Variants in SRSF2 observed in about 807,000 individuals in gnomAD.
SRSF2 encodes serine and arginine rich splicing factor 2, also known as serine/arginine-rich splicing factor 2.
In SRSF2, 4 loss-of-function variants were observed where a neutral mutation model predicts 15.7. The observed-to-expected ratio is 0.26, with a 90% CI of 0.13 to 0.58. The LOEUF is 0.58. SRSF2 is among the 20% of genes least tolerant of loss of function. The pLI, the probability that SRSF2 is intolerant of heterozygous loss-of-function variation, is 0.90. For missense variants in SRSF2, 147 were observed against 332.4 expected, an observed-to-expected ratio of 0.44 and a Z score of 4.34; for synonymous variants, 192 against 138.9, an observed-to-expected ratio of 1.38 and a Z score of -2.69.
rs1266076835 is a variant in SRSF2, at chr17:76,736,906, C to T, written c.255G>A (p.Leu85=). Residue 85 remains leucine, a synonymous_variant, in exon 1 of 3, where the codon CTG becomes CTA. Coordinates refer to ENST00000359995, the MANE Select transcript of SRSF2 (RefSeq NM_001195427.2). Reference sequence around the variant, plus strand: ...GGCCGTAGCGCGCCATTTGCACCCGCAGCTCGCGGCCGTCCAGCACGGCCC... The same window carrying T: ...GGCCGTAGCGCGCCATTTGCACCCGTAGCTCGCGGCCGTCCAGCACGGCCC... The part of the protein sequence containing the change: ...MDGAVLDGRE[L]RVQMARYGRP... 1.9e-6 allele frequency: 3 copies of T among 1,612,512 alleles called. No homozygotes were observed. The highest frequency in any genetic ancestry group is 2.5e-6 in the Non-Finnish European group (3 of 1,179,722).
chr17:76,737,272 A>G lies in SRSF2; in HGVS notation c.-112T>C. 7.1e-6 allele frequency: 10 copies of G among 1,400,944 alleles called. No individual in the cohort carries two copies. Among genetic ancestry groups the G allele is most frequent in the Non-Finnish European group, 9.5e-6 (10 of 1,058,162 alleles). 86.8% of individuals were successfully genotyped at this position (1,400,944 alleles called of 1,614,324 possible). On this transcript the variant is annotated 5_prime_UTR_variant, in exon 1 of 3. Coordinates refer to ENST00000359995, the MANE Select transcript of SRSF2 (RefSeq NM_001195427.2). ...GCCTTCCGCGTGGGGACACTGGGAA[A>G]GGCCTTGCCGCAGAACAGCACGGAC...
rs770622960 is a variant in SRSF2, at chr17:76,736,825, G to A, written c.336C>T (p.Gly112=). The A allele has an allele frequency of 5.6e-6, 9 of 1,594,494 alleles. No homozygotes were observed. In the African/African-American group the frequency reaches 6.7e-5, roughly 12 times the overall value. Residue 112 remains glycine, a synonymous_variant, in exon 1 of 3, where the codon GGC becomes GGT. Transcript: ENST00000359995. ...TGCGGCTCCGGCGTCCGTAGCCACC[G>A]CCCCCGTACCTGCGGGGTGGCGGTC... ...RRGPPPRRYG[G]GGYGRRSRSP...
chr17:76,736,412 G>C lies in SRSF2; in HGVS notation c.415C>G (p.Arg139Gly), dbSNP rs1208174168. The C allele has an allele frequency of 6.2e-7, 1 of 1,613,730 alleles. No individual in the cohort carries two copies. The highest frequency in any genetic ancestry group is 2.2e-5 in the East Asian group (1 of 44,892). The change falls in exon 2 of 3, where the codon CGC (arginine) becomes GGC (glycine). Residue 139 changes from arginine (R) to glycine (G), a missense_variant. Physicochemically the swap from Arg to Gly is moderately radical, Grantham distance 125. Transcript: ENST00000359995. ...RSRSRSRSRS[R>G]SRSRYSRSKS... The stretch of plus-strand genomic sequence containing the variant: ...GAGCGGCTGTAGCGAGATCGGCTGC[G>C]AGACCTGGAACGACTCCGACTCCGG...
intron 1 of SRSF2, 30 bp from the exon 2 acceptor site, chr17:76,736,494 G>A (rs976353866): frequency 5.0e-6 from 8 of 1,590,894 alleles, no homozygotes; most frequent in Non-Finnish European, 6.0e-6. Context: ...GCACAGCGGG[G>A]TTAATTCCAG....
intron 2 of SRSF2, chr17:76,735,874 A>G: frequency 1.8e-6 from 1 of 570,238 alleles, no homozygotes; most frequent in Non-Finnish European, 3.2e-6. Context: ...AGGAGACCGC[A>G]GCTTTAAAGG....
upstream of SRSF2, chr17:76,737,353 G>A: frequency 1.4e-6 from 1 of 692,858 alleles, no homozygotes; most frequent in Non-Finnish European, 2.3e-6. Context: ...CGGCCTCTGC[G>A]CCCGTTTATA....
In SRSF2 at chr17:76,736,282, C is replaced by G. The variant is rs2143925644; in HGVS notation, c.545G>C (p.Arg182Pro). The G allele has an allele frequency of 1.2e-6, 2 of 1,614,138 alleles. No homozygotes were observed. The highest frequency in any genetic ancestry group is 1.7e-6 in the Non-Finnish European group (2 of 1,180,006). Residue 182 changes from arginine (R) to proline (P), a missense_variant, in exon 2 of 3, where the codon CGG becomes CCG. Physicochemically the swap from Arg to Pro is moderately radical, Grantham distance 103. This residue lies in a region of SRSF2 where 125 missense variants were observed against 185.1 expected (regional missense o/e 0.68). Transcript: ENST00000359995. ...KSSSVSRSRS[R>P]SRSRSRSRSP... is the part of the protein sequence containing the mutation. ...CCTGGACCGAGACCGGGACCTGGAC[C>G]GCGAACGAGATCTGGAGACCGACGA...
chr17:76,735,752 T>C, intron 2 of SRSF2: 1 of 347,870 alleles, frequency 2.9e-6, no homozygotes, highest in Non-Finnish European at 5.5e-6. Flanking sequence ...ATAGTGCATC[T>C]TTAACATTTA....
chr17:76,737,355 C>T (rs1393136233), upstream of SRSF2: 2 of 652,432 alleles, frequency 3.1e-6, no homozygotes, highest in Non-Finnish European at 4.9e-6. Flanking sequence ...GCCTCTGCGC[C>T]CGTTTATATC....
chr17:76,735,295 G>C (rs757522285), intron 2 of SRSF2, 137 bp from the exon 3 acceptor site: 1 of 216,808 alleles, frequency 4.6e-6, no homozygotes, highest in Non-Finnish European at 9.3e-6. Flanking sequence ...TTTTTAAAAG[G>C]CCCAATTAGG....
chr17:76,735,315 C>CA (rs1207726126), intron 2 of SRSF2, 157 bp from the exon 3 acceptor site: 5 of 203,622 alleles, frequency 2.5e-5, no homozygotes, highest in Non-Finnish European at 5.0e-5. Context: ...GAAAATTTCA[C>CA]AAAGGCTACC....
intron 1 of SRSF2, 32 bp from the exon 2 acceptor site, chr17:76,736,496 T>G (rs2077477061): frequency 1.9e-6 from 3 of 1,600,462 alleles, no homozygotes; most frequent in Non-Finnish European, 2.5e-6. Flanking sequence ...ACAGCGGGGT[T>G]AATTCCAGGC....
Position 76,737,308 on chromosome 17 carries a change from G to T in SRSF2, c.-148C>A, listed in dbSNP as rs549741156. 4 of 1,158,242 alleles carry T rather than the reference G, an allele frequency of 3.5e-6. No homozygotes were observed. Among genetic ancestry groups the T allele is most frequent in the Admixed American group, 2.9e-5 (1 of 34,078 alleles). 71.7% of individuals were successfully genotyped at this position (1,158,242 alleles called of 1,614,324 possible). On this transcript the variant is annotated 5_prime_UTR_variant, in exon 1 of 3. It adds an upstream start codon to the 5' untranslated region. Coordinates refer to ENST00000359995, the MANE Select transcript of SRSF2 (RefSeq NM_001195427.2). ...CAGAACAGCACGGACGGGCTCCGCA[G>T]GCTAGCGCACCTGAGTAACAACTGG...
rs900472211 is a variant in SRSF2, at chr17:76,735,894, C to G, written c.*7+260G>C. 1.4e-5 allele frequency: 8 copies of G among 586,338 alleles called. No homozygotes were observed. In the Admixed American group the frequency reaches 1.8e-4, roughly 13 times the overall value. 36.3% of individuals were successfully genotyped at this position (586,338 alleles called of 1,614,324 possible). A position where few individuals can be genotyped will look rare whatever the true frequency, so the allele number is the denominator to read the frequency against. On this transcript the variant is annotated intron_variant, in intron 2 of 2. Transcript: ENST00000359995. Reference sequence around the variant, plus strand: ...ACCGCAGCTTTAAAGGGGGAAAATGCAGACGTTGGATAAAAACAGCAAGAA... The same window carrying G: ...ACCGCAGCTTTAAAGGGGGAAAATGGAGACGTTGGATAAAAACAGCAAGAA...
At chr17:76,735,813 C>G in intron 2 of SRSF2, 1 of 461,824 alleles carries the variant, frequency 2.2e-6, no homozygotes, top group Non-Finnish European at 4.1e-6. Context: ...CCTGGAGGAT[C>G]AGCCAAATCA....
intron 1 of SRSF2, 102 bp from the exon 2 acceptor site, chr17:76,736,566 G>C: frequency 3.7e-6 from 5 of 1,357,978 alleles, no homozygotes; most frequent in Non-Finnish European, 4.9e-6. Flanking sequence ...GCCGCCAGAC[G>C]CCATTTCCCC....
chr17:76,737,318 C>A lies in SRSF2; in HGVS notation c.-158G>T. On this transcript the variant is annotated 5_prime_UTR_variant, in exon 1 of 3. Transcript: ENST00000359995. ...CGGACGGGCTCCGCAGGCTAGCGCA[C>A]CTGAGTAACAACTGGGCGGGCAGCC... is the stretch of plus-strand genomic sequence containing the variant. The A allele has an allele frequency of 9.4e-7, 1 of 1,065,350 alleles. No individual in the cohort carries two copies. Among genetic ancestry groups the A allele is most frequent in the Non-Finnish European group, 1.3e-6 (1 of 770,638 alleles). 66.0% of individuals were successfully genotyped at this position (1,065,350 alleles called of 1,614,324 possible). A position where few individuals can be genotyped will look rare whatever the true frequency, so the allele number is the denominator to read the frequency against.
chr17:76,736,125 G>A (rs772436301), intron 2 of SRSF2, 29 bp downstream of exon 2: 16 of 1,558,264 alleles, frequency 1.0e-5, no homozygotes, highest in South Asian at 9.6e-5. Context: ...ATGAATTAGG[G>A]TTATGTGTCT....
intron 1 of SRSF2, 67 bp from the exon 2 acceptor site, chr17:76,736,531 C>T: frequency 6.6e-7 from 1 of 1,523,848 alleles, no homozygotes; most frequent in Non-Finnish European, 8.8e-7. Flanking sequence ...CGCCCGCGCG[C>T]TCCCGCCCAG....
Sources: allele counts gnomAD v4.1 joint callset, GRCh38; gene constraint gnomAD v4.1.1; regional missense constraint gnomAD v4.1.1; transcripts MANE v1.5; gene names NCBI Gene and HGNC (gene_info 2026-07-23, HGNC 2026-07-21).